Variants in OTOF observed in about 807,000 individuals in gnomAD.
OTOF encodes the protein otoferlin.
OTOF carries 218 observed loss-of-function variants against 236.8 expected under a neutral mutation model. The observed-to-expected ratio is 0.92, with a 90% CI of 0.82 to 1.03. The LOEUF (loss-of-function observed/expected upper bound fraction) is 1.03, where lower values mean the gene tolerates loss of function less well. OTOF is among the 50% of genes least tolerant of loss of function. The probability of loss-of-function intolerance (pLI) is 0.00; values close to 1 mark genes in which losing one functional copy is unlikely to be tolerated. For synonymous variants in OTOF, 1,041 were observed against 1,072.5 expected, an observed-to-expected ratio of 0.97 and a Z score of 0.57; for missense variants, 2,590 against 2,694.4, an observed-to-expected ratio of 0.96 and a Z score of 0.86.
Position 26,460,584 on chromosome 2 carries a change from C to G in OTOF, c.5813+63G>C. 1 of 1,309,480 alleles carries G rather than the reference C, an allele frequency of 7.6e-7. No homozygotes were observed. Among genetic ancestry groups the G allele is most frequent in the Non-Finnish European group, 1.1e-6 (1 of 909,064 alleles). The allele number at this position is 1,309,480 out of a possible 1,614,324, so 81.1% of individuals were successfully genotyped here. A position where few individuals can be genotyped will look rare whatever the true frequency, so the allele number is the denominator to read the frequency against. On this transcript the variant is annotated intron_variant, in intron 45 of 46. Coordinates refer to ENST00000272371, the MANE Select transcript of OTOF (RefSeq NM_194248.3). The surrounding 1 kb of genome is among the most constrained non-coding windows in gnomAD (Gnocchi z 5.3). ...GAGATGGGGTGTCTGGGGATCGTCT[C>G]CTTCCTGTTCCAGCGCCTCCAAGAG...
chr2:26,466,604 TG>T, intron 36 of OTOF, 109 bp downstream of exon 36: 1 of 1,340,594 alleles, frequency 7.5e-7, no homozygotes, highest in Non-Finnish European at 1.1e-6. Context: ...CCCAAAGTGC[TG>T]GGATTACAGG....
At chr2:26,468,510 G>A in intron 32 of OTOF, 36 bp from the exon 33 acceptor site, 3 of 1,575,722 alleles carry the variant, frequency 1.9e-6, no homozygotes, top group African/African-American at 1.3e-5. Flanking sequence ...CAGAAGGTGG[G>A]TTTCCTGGGG....
At chr2:26,547,601 C>T (rs117872718) in intron 1 of OTOF, among the ~76,000 whole-genome samples, 2,348 of 152,114 alleles carry the variant, frequency 0.015, 69 homozygotes, top group East Asian at 0.12. Context: ...TTTGAGAGGC[C>T]GATATGGGCA....
At chr2:26,503,965 C>T in intron 5 of OTOF, 120 bp from the exon 6 acceptor site, 1 of 865,292 alleles carries the variant, frequency 1.2e-6, no homozygotes, top group Non-Finnish European at 1.9e-6. Context: ...CCCGGCCCCT[C>T]ACCTACTGGT....
chr2:26,534,778 T>C (rs1410515415), intron 2 of OTOF, among the ~76,000 whole-genome samples: 1 of 144,216 alleles, frequency 6.9e-6, no homozygotes, highest in Non-Finnish European at 1.5e-5. Flanking sequence ...GTAGGTCTCA[T>C]GACTCCCAGG....
At chr2:26,538,769 A>G (rs1360462896) in intron 1 of OTOF, among the ~76,000 whole-genome samples, 1 of 151,924 alleles carries the variant, frequency 6.6e-6, no homozygotes, top group East Asian at 1.9e-4. Flanking sequence ...CTGATGGTCT[A>G]GAAGGGAGGC....
intron 2 of OTOF, among the ~76,000 whole-genome samples, chr2:26,536,837 C>T (rs1439800462): frequency 6.6e-6 from 1 of 152,182 alleles, no homozygotes; most frequent in African/African-American, 2.4e-5. Context: ...GGAGAACCTA[C>T]AGCAGCCAGA....
intron 22 of OTOF, 24 bp downstream of exon 22, chr2:26,476,867 C>T: frequency 6.2e-7 from 1 of 1,602,886 alleles, no homozygotes. Context: ...CCCAGGCCCC[C>T]ATCCATCCTG....
At chr2:26,472,864 G>A (rs1375842188) in intron 29 of OTOF, among the ~76,000 whole-genome samples, 2 of 152,124 alleles carry the variant, frequency 1.3e-5, no homozygotes, top group South Asian at 2.1e-4. Flanking sequence ...GGGAGGTGGC[G>A]GGGAGGCCTG....
chr2:26,535,884 T>C (rs531305783), intron 2 of OTOF, among the ~76,000 whole-genome samples: 1 of 152,346 alleles, frequency 6.6e-6, no homozygotes, highest in African/African-American at 2.4e-5. Context: ...ATGTCGTGCA[T>C]ACCTGTGGCT....
chr2:26,541,302 C>T (rs1667207798), intron 1 of OTOF, among the ~76,000 whole-genome samples: 1 of 152,128 alleles, frequency 6.6e-6, no homozygotes, highest in African/African-American at 2.4e-5. Flanking sequence ...TGAAATCAGC[C>T]ATTGCAGAAT....
chr2:26,538,307 C>A (rs539544303), intron 1 of OTOF, among the ~76,000 whole-genome samples: 1 of 152,360 alleles, frequency 6.6e-6, no homozygotes, highest in East Asian at 1.9e-4. Flanking sequence ...AGCCATTCCC[C>A]GTGGGCCAAG....
At chr2:26,500,085 G>A (rs1276591109) in intron 8 of OTOF, among the ~76,000 whole-genome samples, 1 of 152,196 alleles carries the variant, frequency 6.6e-6, no homozygotes, top group African/African-American at 2.4e-5. Context: ...GACCCGAAGG[G>A]AGCAGCTGTC....
intron 1 of OTOF, among the ~76,000 whole-genome samples, chr2:26,551,598 TCTTCCCC>T (rs1036667879): frequency 6.6e-5 from 10 of 152,338 alleles, no homozygotes; most frequent in Admixed American, 3.3e-4. Flanking sequence ...GCAGTGGTCA[TCTTCCCC>T]CTTTGAGGAC....
At chr2:26,534,696 G>T (rs967921637) in intron 2 of OTOF, among the ~76,000 whole-genome samples, 1 of 152,154 alleles carries the variant, frequency 6.6e-6, no homozygotes, top group Admixed American at 6.5e-5. Flanking sequence ...GGCAGATAGA[G>T]CAGGGAGCAT....
In OTOF at chr2:26,460,880, C is replaced by T. The variant is rs776338254; in HGVS notation, c.5684G>A (p.Arg1895His). Residue 1895 changes from arginine (R) to histidine (H), a missense_variant, in exon 44 of 47, where the codon CGC becomes CAC. Coordinates refer to ENST00000272371, the MANE Select transcript of OTOF (RefSeq NM_194248.3). This position sits in a 1 kb window ranked among gnomAD's most constrained non-coding sequence, Gnocchi z 5.3. Reference protein sequence around the residue: ...RVKGWWPLLARNENDEFELTG... With the variant: ...RVKGWWPLLAHNENDEFELTG... ...GAGCTCAAACTCATCGTTCTCATTG[C>T]GGGCCAGGAGGGGCCACCAGCCTTT... 1.6e-5 allele frequency: 26 copies of T among 1,614,044 alleles called. 2 individuals carry two copies. The Admixed American group carries it at 2.3e-4, about 14-fold the overall frequency.
At chr2:26,555,997 T>C (rs2148140904) in intron 1 of OTOF, among the ~76,000 whole-genome samples, 1 of 152,286 alleles carries the variant, frequency 6.6e-6, no homozygotes, top group African/African-American at 2.4e-5. Context: ...TCTGACTCCA[T>C]ATCCAGAACT....
intron 34 of OTOF, 56 bp downstream of exon 34, chr2:26,467,309 C>T: frequency 6.2e-6 from 10 of 1,613,652 alleles, no homozygotes; most frequent in Admixed American, 3.3e-5. Flanking sequence ...AGGATCACTG[C>T]GCCCCCCTCT....
At chr2:26,541,883 A>G (rs1394072819) in intron 1 of OTOF, among the ~76,000 whole-genome samples, 1 of 152,210 alleles carries the variant, frequency 6.6e-6, no homozygotes, top group African/African-American at 2.4e-5. Context: ...GATGGGGGAA[A>G]TAGAACAGCA....
Sources: allele counts gnomAD v4.1 joint callset (sites outside exome capture counted in the v4.1 genomes callset), GRCh38; gene constraint gnomAD v4.1.1; non-coding constraint Gnocchi (gnomAD v3.1); transcripts MANE v1.5; gene names NCBI Gene and HGNC (gene_info 2026-07-23, HGNC 2026-07-21).